Variants in JAZF1 observed in about 807,000 individuals in gnomAD.
The protein encoded by JAZF1 is juxtaposed with another zinc finger protein 1.
A neutral mutation model predicts 26.4 loss-of-function variants in JAZF1; 8 were observed. The ratio of observed to expected loss-of-function variants is 0.30; its 90% confidence interval spans 0.18 to 0.55. JAZF1 has a LOEUF of 0.55. Ranked by LOEUF, JAZF1 falls within the 20% of genes least tolerant of loss-of-function variation. JAZF1 has a pLI of 0.94. For missense variants in JAZF1, 199 were observed against 322.0 expected (o/e 0.62, Z 2.92); for synonymous variants, 126 against 122.3 (o/e 1.03, Z -0.20).
chr7:28,169,000 G>A (rs1783413280), intron 1 of JAZF1, among the ~76,000 whole-genome samples: 1 of 152,192 alleles, frequency 6.6e-6, no homozygotes, highest in South Asian at 2.1e-4. Flanking sequence ...ATGTGTTAAA[G>A]TACTGGTGTA....
chr7:28,118,948 A>G (rs1428987955), intron 1 of JAZF1, among the ~76,000 whole-genome samples: 1 of 152,224 alleles, frequency 6.6e-6, no homozygotes. Context: ...AAATACCCCT[A>G]CATAATAAAT....
intron 3 of JAZF1, among the ~76,000 whole-genome samples, chr7:27,847,706 C>T (rs1308749629): frequency 6.6e-6 from 1 of 152,066 alleles, no homozygotes; most frequent in African/African-American, 2.4e-5. Context: ...CTTGCACTGT[C>T]GCCCAGGCTG....
chr7:28,102,795 C>T (rs958429424), intron 1 of JAZF1, among the ~76,000 whole-genome samples: 1 of 152,146 alleles, frequency 6.6e-6, no homozygotes, highest in Admixed American at 6.5e-5. Flanking sequence ...AATTTTCATA[C>T]ATACTGAAAA....
At chr7:28,123,148 C>T (rs1782632193) in intron 1 of JAZF1, among the ~76,000 whole-genome samples, 1 of 152,084 alleles carries the variant, frequency 6.6e-6, no homozygotes, top group Non-Finnish European at 1.5e-5. Context: ...TCATTGCTTC[C>T]ATGTTAAGTT....
In JAZF1 at chr7:27,833,141, C is replaced by T. The variant is rs535918756; in HGVS notation, c.556-165G>A. The T allele has an allele frequency of 1.5e-5, 7 of 482,586 alleles. 1 individual carries two copies. Among genetic ancestry groups the T allele is most frequent in the African/African-American group, 3.9e-5 (2 of 51,120 alleles). 29.9% of individuals were successfully genotyped at this position (482,586 alleles called of 1,614,324 possible). A position where few individuals can be genotyped will look rare whatever the true frequency, so the allele number is the denominator to read the frequency against. ...ACCCTTCAAGGACATTCTGGTGTGT[C>T]GGTCATGGGCTGTACGGATGGTCAC... On this transcript the variant is annotated intron_variant, in intron 4 of 4. Coordinates refer to ENST00000283928, the MANE Select transcript of JAZF1 (RefSeq NM_175061.4).
chr7:28,149,338 G>C (rs1007094199), intron 1 of JAZF1, among the ~76,000 whole-genome samples: 1 of 152,168 alleles, frequency 6.6e-6, no homozygotes, highest in Non-Finnish European at 1.5e-5. Flanking sequence ...TATGTCGCCA[G>C]TGTCAAGAAA....
intron 2 of JAZF1, among the ~76,000 whole-genome samples, chr7:27,962,313 A>G (rs1474193386): frequency 6.6e-6 from 1 of 152,192 alleles, no homozygotes; most frequent in Non-Finnish European, 1.5e-5. Flanking sequence ...GGTAAAAGTG[A>G]TCATAGTAAT....
intron 2 of JAZF1, among the ~76,000 whole-genome samples, chr7:27,905,009 T>C (rs1392031926): frequency 6.6e-6 from 1 of 152,200 alleles, no homozygotes; most frequent in Non-Finnish European, 1.5e-5. Flanking sequence ...TCACGGCTCA[T>C]TGCAGCCTTG....
chr7:28,066,602 C>CAAAAAAAA (rs911062551), intron 1 of JAZF1, among the ~76,000 whole-genome samples: 2 of 31,766 alleles, frequency 6.3e-5, no homozygotes, highest in Admixed American at 2.7e-4. Context: ...GACTCCATCT[C>CAAAAAAAA]AAAAAAAAAA....
At chr7:27,841,761 T>A (rs1354716618) in intron 3 of JAZF1, 1 of 152,236 alleles carries the variant, frequency 6.6e-6, no homozygotes, top group Non-Finnish European at 1.5e-5. Flanking sequence ...TGCTCTTTTT[T>A]AATGAGGCCC....
chr7:27,930,034 C>T (rs537560536), intron 2 of JAZF1, among the ~76,000 whole-genome samples: 145 of 151,794 alleles, frequency 9.6e-4, no homozygotes, highest in African/African-American at 3.2e-3. Context: ...CTTGCTCTGT[C>T]GCCCAGGCTG....
intron 2 of JAZF1, among the ~76,000 whole-genome samples, chr7:27,938,984 C>T (rs1485997987): frequency 6.6e-6 from 1 of 152,042 alleles, no homozygotes; most frequent in Non-Finnish European, 1.5e-5. Context: ...GATTTCTGCC[C>T]CCTTCAGGGA....
intron 2 of JAZF1, among the ~76,000 whole-genome samples, chr7:27,978,360 A>T (rs966934279): frequency 6.6e-6 from 1 of 152,216 alleles, no homozygotes; most frequent in Non-Finnish European, 1.5e-5. Flanking sequence ...AAAAACAGTG[A>T]TAGTTTCTGA....
chr7:27,914,524 C>A (rs567936320), intron 2 of JAZF1, among the ~76,000 whole-genome samples: 20 of 152,264 alleles, frequency 1.3e-4, no homozygotes, highest in African/African-American at 4.1e-4. Flanking sequence ...ATTGTGGCAA[C>A]CTTTTGTTGC....
At chr7:28,123,475 T>C (rs1034493607) in intron 1 of JAZF1, among the ~76,000 whole-genome samples, 1 of 152,200 alleles carries the variant, frequency 6.6e-6, no homozygotes, top group African/African-American at 2.4e-5. Context: ...CCATGACTAT[T>C]TTAGTCTATC....
At chr7:28,126,927 T>C (rs953297522) in intron 1 of JAZF1, among the ~76,000 whole-genome samples, 1 of 152,168 alleles carries the variant, frequency 6.6e-6, no homozygotes, top group Non-Finnish European at 1.5e-5. Flanking sequence ...AAAGCTTCCA[T>C]GCCAGTGGAA....
At chr7:28,085,892 A>T (rs1454329419) in intron 1 of JAZF1, among the ~76,000 whole-genome samples, 2 of 152,180 alleles carry the variant, frequency 1.3e-5, no homozygotes. Context: ...ATTTATTTAC[A>T]CCTGCTGTGG....
intron 1 of JAZF1, among the ~76,000 whole-genome samples, chr7:28,074,024 T>C (rs1784016307): frequency 6.6e-6 from 1 of 152,052 alleles, no homozygotes; most frequent in Admixed American, 6.6e-5. Flanking sequence ...TTCAACGTAT[T>C]CTATTGCTTT....
In JAZF1 at chr7:27,882,944, C is replaced by T. The variant is rs186348638; in HGVS notation, c.385+12276G>A. The stretch of plus-strand genomic sequence containing the variant: ...CTTCACAAGGGAGGTGTATGGCAGT[C>T]TCGGGCGTCTGTTTGTTTATTCATA... On this transcript the variant is annotated intron_variant, in intron 3 of 4. Transcript: ENST00000283928. 2.8e-3 allele frequency among the ~76,000 whole-genome samples: 419 copies of T among 152,236 alleles called. 2 individuals carry two copies. The highest frequency in any genetic ancestry group is 9.6e-3 in the African/African-American group (397 of 41,552).
Sources: allele counts gnomAD v4.1 joint callset (sites outside exome capture counted in the v4.1 genomes callset), GRCh38; gene constraint gnomAD v4.1.1; transcripts MANE v1.5; gene names NCBI Gene and HGNC (gene_info 2026-07-23, HGNC 2026-07-21).